The following CCDC60 variants were observed in gnomAD, a reference collection of about 807,000 sequenced individuals.
CCDC60 encodes coiled-coil domain-containing protein 60.
Under a neutral mutation model 63.5 loss-of-function variants are expected in CCDC60, and 54 were observed. The ratio of observed to expected loss-of-function variants is 0.85; its 90% confidence interval spans 0.68 to 1.07. The LOEUF (loss-of-function observed/expected upper bound fraction) is 1.07, where lower values mean the gene tolerates loss of function less well. Among genes scored for constraint, CCDC60 ranks in the 50% least tolerant of loss-of-function variants. CCDC60 has a pLI of 0.00. For missense variants in CCDC60, 651 were observed against 684.3 expected, an observed-to-expected ratio of 0.95 and a Z score of 0.54; for synonymous variants, 206 against 238.8, an observed-to-expected ratio of 0.86 and a Z score of 1.27.
intron 6 of CCDC60, among the ~76,000 whole-genome samples, chr12:119,501,672 G>A (rs746014523): frequency 1.2e-4 from 18 of 152,074 alleles, no homozygotes; most frequent in Admixed American, 1.0e-3. Context: ...GTGTGCATCC[G>A]TCTTCAGAAA....
chr12:119,348,583 T>TGA (rs778472923), intron 1 of CCDC60, among the ~76,000 whole-genome samples: 1 of 152,226 alleles, frequency 6.6e-6, no homozygotes, highest in African/African-American at 2.4e-5. Flanking sequence ...TCTCTGATGC[T>TGA]GAAAGCTCTC....
chr12:119,475,799 C>T (rs182221525), intron 3 of CCDC60, among the ~76,000 whole-genome samples: 40 of 152,282 alleles, frequency 2.6e-4, no homozygotes, highest in African/African-American at 9.6e-4. Context: ...TGATACTTAG[C>T]CTAGAGTCTA....
chr12:119,461,405 G>C (rs1021415992), intron 2 of CCDC60, among the ~76,000 whole-genome samples: 7 of 152,174 alleles, frequency 4.6e-5, no homozygotes, highest in Non-Finnish European at 1.0e-4. Context: ...CGCCCATACT[G>C]CTCCTCAAGT....
intron 1 of CCDC60, among the ~76,000 whole-genome samples, chr12:119,400,581 G>A (rs559211295): frequency 2.0e-4 from 30 of 152,266 alleles, no homozygotes; most frequent in South Asian, 6.2e-4. Flanking sequence ...GTTGTCCCTC[G>A]CCTCCCAGTT....
At chr12:119,345,302 G>C (rs1955579766) in intron 1 of CCDC60, among the ~76,000 whole-genome samples, 1 of 152,130 alleles carries the variant, frequency 6.6e-6, no homozygotes, top group Admixed American at 6.5e-5. Flanking sequence ...AGGATTTCGA[G>C]ACCAGCCTGA....
intron 9 of CCDC60, among the ~76,000 whole-genome samples, chr12:119,521,062 G>C (rs1397810799): frequency 2.6e-5 from 4 of 152,154 alleles, no homozygotes; most frequent in Non-Finnish European, 5.9e-5. Flanking sequence ...CAGTATAAAA[G>C]ATCACTAAGA....
At position 119,420,087 on chromosome 12, in the gene CCDC60, G is replaced by A. The variant is rs564755707; in HGVS notation, c.91-8596G>A. 7.2e-5 allele frequency among the ~76,000 whole-genome samples: 11 copies of A among 151,874 alleles called. No individual in the cohort carries two copies. The highest frequency in any genetic ancestry group is 2.2e-4 in the African/African-American group (9 of 41,442). ...GAGATAGGGTTTCACCGTGTTAGCC[G>A]GGATGGTCTCGAACTCCTGACCTCG... On this transcript the variant is annotated intron_variant, in intron 1 of 13. Coordinates refer to ENST00000327554, the MANE Select transcript of CCDC60 (RefSeq NM_178499.5). This position sits in a 1 kb window ranked among gnomAD's most constrained non-coding sequence, Gnocchi z 4.1.
In CCDC60 at chr12:119,456,007, GAAAGAAAGAAAGAAAGAAAGAA is replaced by G. The variant is rs1950731732; in HGVS notation, c.171-15985_171-15964del. Among the ~76,000 whole-genome samples, 16 of 113,504 alleles carry G rather than the reference GAAAGAAAGAAAGAAAGAAAGAA, an allele frequency of 1.4e-4. No homozygotes were observed. Among genetic ancestry groups the G allele is most frequent in the African/African-American group, 4.9e-4 (14 of 28,492 alleles). The allele number at this position is 113,504 out of a possible 152,430, so 74.5% of individuals were successfully genotyped here. Reference sequence around the variant, plus strand: ...AGAGAAAGAGAGAGAGAAAGAGAAAGAAAGAAAGAAAGAAAGAAAGAAAGAAAGAAAGAAAGAAAGAAAGAAA... The same window carrying G: ...AGAGAAAGAGAGAGAGAAAGAGAAAGAGAAAGAAAGAAAGAAAGAAAGAAA... On this transcript the variant is annotated intron_variant, in intron 2 of 13. Transcript: ENST00000327554. The surrounding 1 kb of genome is among the most constrained non-coding windows in gnomAD (Gnocchi z 4.6).
At chr12:119,452,371 T>C (rs1312354926) in intron 2 of CCDC60, among the ~76,000 whole-genome samples, 1 of 152,230 alleles carries the variant, frequency 6.6e-6, no homozygotes, top group African/African-American at 2.4e-5. Flanking sequence ...ATTTTCTGAT[T>C]TTTTGTCTTT....
Position 119,433,190 on chromosome 12 carries a change from G to A in CCDC60, c.170+4428G>A, listed in dbSNP as rs553845175. Among the ~76,000 whole-genome samples the A allele has an allele frequency of 3.3e-5, 5 of 152,182 alleles. No individual in the cohort carries two copies. In the East Asian group the frequency reaches 5.8e-4, roughly 18 times the overall value. ...TGTTAAACATTCACCAGCACACCAC[G>A]GGGGACGTGCCCCAAGAACGACAAA... On this transcript the variant is annotated intron_variant, in intron 2 of 13. Transcript: ENST00000327554.
At chr12:119,477,776 T>C (rs1393619988) in intron 3 of CCDC60, among the ~76,000 whole-genome samples, 1 of 152,194 alleles carries the variant, frequency 6.6e-6, no homozygotes, top group Non-Finnish European at 1.5e-5. Flanking sequence ...CTGTGGCCCA[T>C]CATTCTTGTG....
At chr12:119,534,428 C>T (rs1270941361) in intron 13 of CCDC60, among the ~76,000 whole-genome samples, 1 of 152,164 alleles carries the variant, frequency 6.6e-6, no homozygotes, top group Non-Finnish European at 1.5e-5. Flanking sequence ...GCCTGATTGA[C>T]CTGGCCAGAA....
intron 1 of CCDC60, among the ~76,000 whole-genome samples, chr12:119,394,048 G>A (rs1472940779): frequency 2.0e-5 from 3 of 152,084 alleles, no homozygotes; most frequent in Admixed American, 6.5e-5. Context: ...AATATTTGTG[G>A]AACTAATAAT....
At chr12:119,490,567 CTT>C (rs112924881) in intron 5 of CCDC60, among the ~76,000 whole-genome samples, 1 of 146,676 alleles carries the variant, frequency 6.8e-6, no homozygotes. Flanking sequence ...CCTTCTTCTT[CTT>C]TTTTTTTTTA....
intron 2 of CCDC60, among the ~76,000 whole-genome samples, chr12:119,438,302 T>C (rs573271454): frequency 8.5e-5 from 13 of 152,376 alleles, no homozygotes; most frequent in African/African-American, 2.9e-4. Context: ...TAGAAGACCA[T>C]GCTTTCAAAT....
At chr12:119,537,405 A>G (rs552690117) in intron 13 of CCDC60, among the ~76,000 whole-genome samples, 1 of 152,170 alleles carries the variant, frequency 6.6e-6, no homozygotes, top group African/African-American at 2.4e-5. Flanking sequence ...TCTGAAGCCT[A>G]CTTCTGTCAG....
At chr12:119,394,392 G>A (rs149153691) in intron 1 of CCDC60, among the ~76,000 whole-genome samples, 65 of 151,886 alleles carry the variant, frequency 4.3e-4, no homozygotes, top group East Asian at 1.6e-3. Context: ...CAAAGGAAAC[G>A]GGGTAATTTC....
intron 1 of CCDC60, among the ~76,000 whole-genome samples, chr12:119,351,697 G>A (rs1163596229): frequency 2.0e-5 from 3 of 152,218 alleles, no homozygotes; most frequent in African/African-American, 7.2e-5. Context: ...TAGCAAGAGT[G>A]ACCTTTACTC....
At chr12:119,357,680 C>T (rs1955731855) in intron 1 of CCDC60, among the ~76,000 whole-genome samples, 2 of 152,120 alleles carry the variant, frequency 1.3e-5, no homozygotes, top group Non-Finnish European at 2.9e-5. Context: ...TCTCAAACTC[C>T]CGACCTCAGG....
Sources: gnomAD v4.1 joint callset for allele counts (sites outside exome capture counted in the v4.1 genomes callset) on GRCh38, gnomAD v4.1.1 for gene constraint, Gnocchi (gnomAD v3.1) non-coding constraint, MANE v1.5 for transcripts, NCBI Gene and HGNC (gene_info 2026-07-23, HGNC 2026-07-21) for gene names.